Variants in SNRPN observed in about 807,000 individuals in gnomAD.
The protein encoded by SNRPN is small nuclear ribonucleoprotein polypeptide N, also known as small nuclear ribonucleoprotein-associated protein N.
In SNRPN, 7 loss-of-function variants were observed where a neutral mutation model predicts 25.2. The observed-to-expected ratio is 0.28, with a 90% CI of 0.16 to 0.52. The LOEUF (loss-of-function observed/expected upper bound fraction) is 0.52, where lower values mean the gene tolerates loss of function less well. Among genes scored for constraint, SNRPN ranks in the 20% least tolerant of loss-of-function variants. The pLI, the probability that SNRPN is intolerant of heterozygous loss-of-function variation, is 0.96. For missense variants in SNRPN, 196 were observed against 322.5 expected, an observed-to-expected ratio of 0.61 and a Z score of 3.00; for synonymous variants, 124 against 110.6, an observed-to-expected ratio of 1.12 and a Z score of -0.76.
At chr15:24,843,558 G>C (rs1021143173) in intron 2 of SNRPN, among the ~76,000 whole-genome samples, 4 of 152,048 alleles carry the variant, frequency 2.6e-5, no homozygotes, top group Non-Finnish European at 4.4e-5. Context: ...TGAGGCAGGC[G>C]GATCACCTGA....
intron 1 of SNRPN, among the ~76,000 whole-genome samples, chr15:24,864,131 A>G (rs1170540871): frequency 2.0e-5 from 3 of 147,732 alleles, no homozygotes; most frequent in Admixed American, 6.7e-5. Context: ...GGTTCACACT[A>G]TTCTCCTGCC....
At chr15:24,853,144 A>G (rs1218429752), upstream of SNRPN, among the ~76,000 whole-genome samples, 3 of 152,190 alleles carry the variant, frequency 2.0e-5, no homozygotes, top group African/African-American at 4.8e-5. Flanking sequence ...TTTCCTTATT[A>G]TAAATCTTAA....
intron 2 of SNRPN, among the ~76,000 whole-genome samples, chr15:24,896,854 C>T (rs1160740303): frequency 6.6e-6 from 1 of 152,118 alleles, no homozygotes; most frequent in Non-Finnish European, 1.5e-5. Context: ...AGCAAATGAG[C>T]TTAAAAAGTA....
At chr15:24,834,348 G>T (rs2050827276) in intron 2 of SNRPN, among the ~76,000 whole-genome samples, 1 of 152,078 alleles carries the variant, frequency 6.6e-6, no homozygotes, top group South Asian at 2.1e-4. Context: ...TTCATTCTGA[G>T]GCAAATTCTA....
At chr15:24,879,957 TGTTGA>T (rs1410544152) in intron 1 of SNRPN, among the ~76,000 whole-genome samples, 2 of 152,204 alleles carry the variant, frequency 1.3e-5, no homozygotes, top group Non-Finnish European at 2.9e-5. Flanking sequence ...TGGGTGAACC[TGTTGA>T]GTTAATCAGC....
intron 1 of SNRPN, among the ~76,000 whole-genome samples, chr15:24,869,208 C>T (rs765211018): frequency 1.6e-4 from 25 of 152,058 alleles, no homozygotes; most frequent in Non-Finnish European, 3.7e-4. Flanking sequence ...GCTTATTATA[C>T]TGGGAAGGGA....
Position 24,978,240 on chromosome 15 carries a change from A to G in SNRPN, c.607A>G (p.Ile203Val), listed in dbSNP as rs2077292709. The change falls in exon 9 of 10, where the codon ATT (isoleucine) becomes GTT (valine). Residue 203 changes from isoleucine (I) to valine (V), a missense_variant. Ile to Val is a conservative substitution (Grantham distance 29). Transcript: ENST00000390687. ...TATGAGACCACCCATGGGCCCACCA[A>G]TTGGGCTTCCCCCTGCTCGAGGGAC... ...PGMRPPMGPP[I>V]GLPPARGTPI... The G allele has an allele frequency of 2.5e-6, 4 of 1,614,052 alleles. No individual in the cohort carries two copies. The highest frequency in any genetic ancestry group is 2.2e-5 in the East Asian group (1 of 44,866).
At chr15:24,938,219 G>A (rs911878192) in intron 3 of SNRPN, among the ~76,000 whole-genome samples, 3 of 151,334 alleles carry the variant, frequency 2.0e-5, no homozygotes, top group East Asian at 2.0e-4. Context: ...AGGTTCAAGC[G>A]ATTTTCGCTT....
At chr15:24,862,800 C>A (rs1285570815) in intron 1 of SNRPN, among the ~76,000 whole-genome samples, 1 of 150,438 alleles carries the variant, frequency 6.6e-6, no homozygotes, top group Non-Finnish European at 1.5e-5. Flanking sequence ...GAGTGAGGGG[C>A]AGGGGATCCA....
intron 1 of SNRPN, among the ~76,000 whole-genome samples, chr15:24,861,059 A>G (rs1343112170): frequency 6.6e-6 from 1 of 152,156 alleles, no homozygotes; most frequent in Non-Finnish European, 1.5e-5. Context: ...CATTGAGCTG[A>G]GATTGTGCCA....
chr15:24,903,902 T>G (rs2058623521), intron 2 of SNRPN, among the ~76,000 whole-genome samples: 1 of 151,924 alleles, frequency 6.6e-6, no homozygotes, highest in African/African-American at 2.4e-5. Flanking sequence ...TGTGTGGTGG[T>G]GCACGCCTGT....
intron 2 of SNRPN, chr15:24,886,715 A>G (rs1266498981): frequency 6.6e-6 from 1 of 152,210 alleles, no homozygotes; most frequent in African/African-American, 2.4e-5. Flanking sequence ...GGGTCCAGCC[A>G]TAGCACACAT....
At chr15:24,918,113 T>C (rs1028806809) in intron 2 of SNRPN, among the ~76,000 whole-genome samples, 1 of 151,850 alleles carries the variant, frequency 6.6e-6, no homozygotes. Flanking sequence ...ACTCCTCTTA[T>C]AAAAAGTACG....
chr15:24,930,642 A>G (rs1299626166), intron 3 of SNRPN, among the ~76,000 whole-genome samples: 1 of 150,090 alleles, frequency 6.7e-6, no homozygotes, highest in African/African-American at 2.4e-5. Context: ...CTGTAATCCC[A>G]GTAAATCCCA....
intron 3 of SNRPN, among the ~76,000 whole-genome samples, chr15:24,970,751 T>G (rs1167977518): frequency 6.6e-6 from 1 of 152,208 alleles, no homozygotes; most frequent in African/African-American, 2.4e-5. Context: ...GAAGTGCTGA[T>G]GGCCACTAAA....
intron 2 of SNRPN, among the ~76,000 whole-genome samples, chr15:24,898,245 G>C (rs1368503297): frequency 1.3e-5 from 2 of 152,164 alleles, no homozygotes; most frequent in Non-Finnish European, 1.5e-5. Flanking sequence ...AGTTTGTTTT[G>C]ATCAGTTCAC....
At chr15:24,836,519 C>A (rs926110559) in intron 2 of SNRPN, among the ~76,000 whole-genome samples, 3 of 151,934 alleles carry the variant, frequency 2.0e-5, no homozygotes, top group African/African-American at 7.3e-5. Flanking sequence ...TCAAGCGATT[C>A]TCCTGCCTCA....
chr15:24,869,651 C>T (rs572174097), intron 1 of SNRPN, among the ~76,000 whole-genome samples: 13 of 152,248 alleles, frequency 8.5e-5, no homozygotes, highest in Admixed American at 2.6e-4. Context: ...GTCATTGTAA[C>T]CACATCATAT....
At chr15:24,842,193 T>C (rs1382432079) in intron 2 of SNRPN, among the ~76,000 whole-genome samples, 1 of 152,020 alleles carries the variant, frequency 6.6e-6, no homozygotes, top group African/African-American at 2.4e-5. Flanking sequence ...CACCAATTTT[T>C]CAAAGCAGGT....
Sources: allele counts gnomAD v4.1 joint callset (sites outside exome capture counted in the v4.1 genomes callset), GRCh38; gene constraint gnomAD v4.1.1; transcripts MANE v1.5; gene names NCBI Gene and HGNC (gene_info 2026-07-23, HGNC 2026-07-21).